The following ATE1 variants were observed in gnomAD, a reference collection of about 807,000 sequenced individuals.
ATE1 encodes the protein arginyltransferase 1.
In ATE1, 36 loss-of-function variants were observed where a neutral mutation model predicts 70.5. The ratio of observed to expected loss-of-function variants is 0.51; its 90% CI spans 0.39 to 0.67. The LOEUF (loss-of-function observed/expected upper bound fraction) is 0.67, where lower values mean the gene tolerates loss of function less well. Ranked by LOEUF, ATE1 falls within the 30% of genes least tolerant of loss-of-function variation. The probability of loss-of-function intolerance (pLI) is 0.00; values close to 1 mark genes in which losing one functional copy is unlikely to be tolerated. For synonymous variants in ATE1, 232 were observed against 219.3 expected (o/e 1.06, Z -0.51); for missense variants, 593 against 629.5 (o/e 0.94, Z 0.62).
intron 11 of ATE1, among the ~76,000 whole-genome samples, chr10:121,750,965 T>C (rs1242489832): frequency 2.0e-5 from 3 of 152,210 alleles, no homozygotes; most frequent in Non-Finnish European, 4.4e-5. Context: ...AATTTTTTAA[T>C]CTTTACGAGG....
chr10:121,828,748 G>C (rs1414080418), intron 10 of ATE1, among the ~76,000 whole-genome samples: 1 of 152,088 alleles, frequency 6.6e-6, no homozygotes, highest in East Asian at 1.9e-4. Flanking sequence ...ACCAAAACAT[G>C]GGGCTCACTA....
intron 10 of ATE1, among the ~76,000 whole-genome samples, chr10:121,802,314 CTTTT>C (rs11354853): frequency 6.8e-6 from 1 of 146,408 alleles, no homozygotes; most frequent in African/African-American, 2.5e-5. Context: ...GTCTACTCCA[CTTTT>C]TTTTTTTTTT....
In ATE1 at chr10:121,743,448, G is replaced by A. The variant is rs1480415079; in HGVS notation, c.*232C>T. Reference sequence around the variant, plus strand: ...TGCTCTAGAAAGAATCCTCCAAAATGATAAATCCCAATTATGGGGGCTAGG... The same window carrying A: ...TGCTCTAGAAAGAATCCTCCAAAATAATAAATCCCAATTATGGGGGCTAGG... On this transcript the variant is annotated 3_prime_UTR_variant, in exon 12 of 12. Transcript: ENST00000224652. The A allele has an allele frequency of 1.3e-6, 1 of 778,160 alleles. No individual in the cohort carries two copies. Among genetic ancestry groups the A allele is most frequent in the Non-Finnish European group, 1.7e-6 (1 of 586,544 alleles). The allele number at this position is 778,160 out of a possible 1,614,324, so 48.2% of individuals were successfully genotyped here.
intron 1 of ATE1, among the ~76,000 whole-genome samples, chr10:121,925,974 G>A (rs1952072750): frequency 6.6e-6 from 1 of 152,104 alleles, no homozygotes; most frequent in Admixed American, 6.6e-5. Context: ...GGGAGGCCGA[G>A]GCGGGTAGAT....
chr10:121,848,120 G>C (rs979191042), intron 8 of ATE1, among the ~76,000 whole-genome samples: 1 of 152,114 alleles, frequency 6.6e-6, no homozygotes, highest in African/African-American at 2.4e-5. Flanking sequence ...CGGTGACATG[G>C]AAACTGAGAA....
intron 9 of ATE1, among the ~76,000 whole-genome samples, chr10:121,838,288 G>A (rs1392700060): frequency 6.6e-6 from 1 of 151,824 alleles, no homozygotes; most frequent in African/African-American, 2.4e-5. Flanking sequence ...TCCTACAAGT[G>A]CTATTCCACC....
At chr10:121,769,771 T>G (rs1945425440) in intron 11 of ATE1, among the ~76,000 whole-genome samples, 1 of 152,214 alleles carries the variant, frequency 6.6e-6, no homozygotes, top group Non-Finnish European at 1.5e-5. Context: ...ACGTTCAACA[T>G]CAGTAGCCAT....
intron 4 of ATE1, among the ~76,000 whole-genome samples, chr10:121,913,378 G>T (rs767278114): frequency 6.6e-6 from 1 of 152,170 alleles, no homozygotes; most frequent in East Asian, 1.9e-4. Context: ...CAGAAAAGCT[G>T]ATCTTTATTC....
At chr10:121,875,427 C>A (rs1455768461) in intron 7 of ATE1, among the ~76,000 whole-genome samples, 2 of 151,380 alleles carry the variant, frequency 1.3e-5, no homozygotes, top group African/African-American at 4.9e-5. Context: ...ACCTCAGCCT[C>A]CCGAGTAGCT....
chr10:121,827,607 T>C (rs1452275328), intron 10 of ATE1, among the ~76,000 whole-genome samples: 1 of 152,222 alleles, frequency 6.6e-6, no homozygotes, highest in Non-Finnish European at 1.5e-5. Flanking sequence ...CAGTACCAAG[T>C]CTCATTACAA....
intron 10 of ATE1, among the ~76,000 whole-genome samples, chr10:121,804,684 G>A (rs575886807): frequency 1.4e-4 from 21 of 151,802 alleles, no homozygotes; most frequent in Admixed American, 4.6e-4. Flanking sequence ...ATGAGTGTCT[G>A]AGTAATACAA....
At position 121,875,159 on chromosome 10, in the gene ATE1, G is replaced by C. The variant is rs185691604; in HGVS notation, c.943-5121C>G. Among the ~76,000 whole-genome samples, 985 of 133,880 alleles carry C rather than the reference G, an allele frequency of 7.4e-3. 25 individuals carry two copies. Among genetic ancestry groups the C allele is most frequent in the African/African-American group, 0.025 (931 of 37,126 alleles). 87.8% of individuals were successfully genotyped at this position (133,880 alleles called of 152,430 possible). A position where few individuals can be genotyped will look rare whatever the true frequency, so the allele number is the denominator to read the frequency against. ...GTCTCAAAAAAAAAAAAAAAAAAAAGACAACAAAAATCTTATTTACACTCC... is the reference window on the plus strand; with the variant it reads ...GTCTCAAAAAAAAAAAAAAAAAAAACACAACAAAAATCTTATTTACACTCC... On this transcript the variant is annotated intron_variant, in intron 7 of 11. Transcript: ENST00000224652.
chr10:121,817,374 C>T (rs1401130018), intron 10 of ATE1, among the ~76,000 whole-genome samples: 1 of 152,090 alleles, frequency 6.6e-6, no homozygotes, highest in Non-Finnish European at 1.5e-5. Context: ...TAAAAATACA[C>T]AGACACACAA....
At chr10:121,869,866 A>G (rs1949790120) in intron 8 of ATE1, 140 bp downstream of exon 8, 2 of 640,406 alleles carry the variant, frequency 3.1e-6, no homozygotes, top group Admixed American at 3.3e-5. Flanking sequence ...GCAGTAACTC[A>G]CTCCATTACT....
chr10:121,928,412 T>C (rs1162380526), upstream of ATE1: 1 of 1,526,928 alleles, frequency 6.5e-7, no homozygotes, highest in Admixed American at 2.1e-5. Flanking sequence ...GAGGCCCTTG[T>C]ATTCCACCAC....
chr10:121,833,512 G>C (rs1014774336), intron 10 of ATE1, among the ~76,000 whole-genome samples: 2 of 152,090 alleles, frequency 1.3e-5, no homozygotes, highest in African/African-American at 4.8e-5. Context: ...GTTCTGGGAA[G>C]AAATGTAAAC....
intron 7 of ATE1, among the ~76,000 whole-genome samples, chr10:121,885,463 G>A (rs1031213830): frequency 1.3e-5 from 2 of 149,344 alleles, no homozygotes; most frequent in Non-Finnish European, 3.0e-5. Context: ...CCAGCTACTC[G>A]GGAGGCTGAG....
intron 7 of ATE1, among the ~76,000 whole-genome samples, chr10:121,880,104 T>C (rs1163153447): frequency 6.6e-6 from 1 of 152,102 alleles, no homozygotes; most frequent in Non-Finnish European, 1.5e-5. Context: ...TGCCATCTGG[T>C]CAAAGTAATA....
intron 7 of ATE1, among the ~76,000 whole-genome samples, chr10:121,896,231 G>A (rs1433549499): frequency 1.3e-5 from 2 of 152,112 alleles, no homozygotes; most frequent in Non-Finnish European, 2.9e-5. Flanking sequence ...ACAGGTGGTG[G>A]TTTATACTTC....
Sources: allele counts gnomAD v4.1 joint callset (sites outside exome capture counted in the v4.1 genomes callset), GRCh38; gene constraint gnomAD v4.1.1; transcripts MANE v1.5; gene names NCBI Gene and HGNC (gene_info 2026-07-23, HGNC 2026-07-21).